THADA: variants seen among roughly 807,000 people sequenced by gnomAD.
The protein encoded by THADA is THADA armadillo repeat containing, also known as tRNA (32-2'-O)-methyltransferase regulator THADA.
THADA carries 213 observed loss-of-function variants against 219.8 expected under a neutral mutation model. The ratio of observed to expected loss-of-function variants is 0.97; its 90% CI spans 0.87 to 1.09. THADA has a LOEUF of 1.09. Ranked by LOEUF, THADA falls within the 50% of genes least tolerant of loss-of-function variation. The probability of loss-of-function intolerance (pLI) is 0.00; values close to 1 mark genes in which losing one functional copy is unlikely to be tolerated. For synonymous variants in THADA, 1,018 were observed against 828.9 expected (o/e 1.23, Z -3.92); for missense variants, 2,956 against 2,311.3 (o/e 1.28, Z -5.72).
intron 22 of THADA, among the ~76,000 whole-genome samples, chr2:43,518,850 C>T (rs918146762): frequency 1.2e-4 from 18 of 152,226 alleles, no homozygotes; most frequent in Admixed American, 2.6e-4. Flanking sequence ...TCCCAGAATG[C>T]TGGACATTTA....
intron 28 of THADA, among the ~76,000 whole-genome samples, chr2:43,413,007 G>C (rs1027365905): frequency 5.9e-5 from 9 of 152,072 alleles, no homozygotes; most frequent in African/African-American, 2.2e-4. Context: ...AATACACACA[G>C]GGAAAAAAGA....
intron 28 of THADA, among the ~76,000 whole-genome samples, chr2:43,404,001 A>G (rs1329516166): frequency 5.3e-5 from 8 of 152,206 alleles, no homozygotes; most frequent in Admixed American, 5.2e-4. Flanking sequence ...GGTGACACAC[A>G]GCAGGCTGAA....
At chr2:43,559,374 T>A (rs187522544) in intron 16 of THADA, among the ~76,000 whole-genome samples, 1 of 152,102 alleles carries the variant, frequency 6.6e-6, no homozygotes, top group African/African-American at 2.4e-5. Context: ...ACAGACACTA[T>A]CCTCTCTGGC....
chr2:43,388,250 T>C (rs1672934813), intron 29 of THADA, among the ~76,000 whole-genome samples: 1 of 152,166 alleles, frequency 6.6e-6, no homozygotes, highest in Non-Finnish European at 1.5e-5. Flanking sequence ...CATCAGATAT[T>C]TTACAGGGAT....
chr2:43,577,305 A>G, intron 9 of THADA, 63 bp from the exon 10 acceptor site: 1 of 1,313,718 alleles, frequency 7.6e-7, no homozygotes, highest in Non-Finnish European at 1.1e-6. Flanking sequence ...GATATTTCAA[A>G]ATACAAACCC....
chr2:43,570,544 C>T, intron 13 of THADA, 34 bp from the exon 14 acceptor site: 1 of 1,580,980 alleles, frequency 6.3e-7, no homozygotes, highest in Non-Finnish European at 8.6e-7. Context: ...CACAGGTGAG[C>T]CACACATTAA....
intron 36 of THADA, among the ~76,000 whole-genome samples, chr2:43,278,519 T>G (rs1672982290): frequency 6.6e-6 from 1 of 152,176 alleles, no homozygotes; most frequent in African/African-American, 2.4e-5. Flanking sequence ...ATGGCAGAAT[T>G]TTAGCTATTG....
chr2:43,552,916 C>T lies in THADA; in HGVS notation c.2675-577G>A, dbSNP rs191213006. On this transcript the variant is annotated intron_variant, in intron 17 of 37. Transcript: ENST00000405975. ...ATATTGTATGATTCCATTTATGATA[C>T]GTCCAGAGTAGGCAAATCTATAGAC... Among the ~76,000 whole-genome samples the T allele has an allele frequency of 3.9e-5, 6 of 152,128 alleles. No homozygotes were observed. The East Asian group carries it at 5.8e-4, about 15-fold the overall frequency.
At chr2:43,544,836 C>A (rs543709000) in intron 20 of THADA, among the ~76,000 whole-genome samples, 147 of 151,064 alleles carry the variant, frequency 9.7e-4, no homozygotes, top group Non-Finnish European at 1.3e-4. Context: ...GACAATTTGA[C>A]TTCCTCTTTT....
intron 28 of THADA, among the ~76,000 whole-genome samples, chr2:43,400,457 T>TTATATATATATGTATATATATATATA (rs1674669612): frequency 1.1e-5 from 1 of 89,904 alleles, no homozygotes; most frequent in Non-Finnish European, 2.7e-5. Flanking sequence ...ATAGACAAAT[T>TTATATATATATGTATATATATATATA]TATATATATA....
chr2:43,231,413 A>G (rs768269089), intron 37 of THADA, 70 bp from the exon 38 acceptor site: 80 of 1,431,326 alleles, frequency 5.6e-5, no homozygotes, highest in Non-Finnish European at 7.1e-5. Flanking sequence ...CAGACCAAGC[A>G]GTACCCTGCC....
chr2:43,489,856 T>A (rs920834088), intron 25 of THADA, among the ~76,000 whole-genome samples: 22 of 113,514 alleles, frequency 1.9e-4, no homozygotes, highest in Non-Finnish European at 2.8e-4. Flanking sequence ...CACATTTCCA[T>A]ATGTATTTTA....
rs181621485 is a variant in THADA, at chr2:43,570,485, G to A, written c.2090C>T (p.Ser697Phe). 26 of 1,611,982 alleles carry A rather than the reference G, an allele frequency of 1.6e-5. No homozygotes were observed. In the East Asian group the frequency reaches 5.8e-4, roughly 36 times the overall value. Reference sequence around the variant, plus strand: ...CTGCTCCAATTTATAAAGTACCTGAGAACTTTCCTGTATCCTACAAAACAA... The same window carrying A: ...CTGCTCCAATTTATAAAGTACCTGAAAACTTTCCTGTATCCTACAAAACAA... ...KKLFCRIQES[S>F]QVLYKLEQSK... Residue 697 changes from serine (S) to phenylalanine (F), a missense_variant, in exon 14 of 38, where the codon TCT (serine) becomes TTT (phenylalanine). By Grantham distance (155) the Ser-to-Phe change is radical (BLOSUM62 -2). Coordinates refer to ENST00000405975, the MANE Select transcript of THADA (RefSeq NM_022065.5).
chr2:43,465,088 C>G (rs1462546904), intron 26 of THADA, among the ~76,000 whole-genome samples: 1 of 151,962 alleles, frequency 6.6e-6, no homozygotes, highest in African/African-American at 2.4e-5. Flanking sequence ...TGAGGAAAAC[C>G]TTGATTTGGC....
At chr2:43,369,522 T>A (rs1190073712) in intron 29 of THADA, among the ~76,000 whole-genome samples, 1 of 152,200 alleles carries the variant, frequency 6.6e-6, no homozygotes, top group Non-Finnish European at 1.5e-5. Context: ...ATTAACTAGG[T>A]TTTGTACATT....
At chr2:43,563,079 A>C (rs1235366555) in intron 15 of THADA, 1 of 152,014 alleles carries the variant, frequency 6.6e-6, no homozygotes, top group African/African-American at 2.4e-5. Context: ...TCTCTGTTCT[A>C]ATCTTTTTGT....
chr2:43,453,662 G>A (rs553808330), intron 26 of THADA, among the ~76,000 whole-genome samples: 18 of 152,246 alleles, frequency 1.2e-4, no homozygotes, highest in African/African-American at 3.9e-4. Flanking sequence ...TCTGAAGTTA[G>A]TAGACTGCCA....
At chr2:43,595,028 T>C (rs1701992003) in intron 1 of THADA, among the ~76,000 whole-genome samples, 1 of 152,236 alleles carries the variant, frequency 6.6e-6, no homozygotes, top group African/African-American at 2.4e-5. Context: ...TTAATCTATT[T>C]TGTTCATGTT....
chr2:43,530,561 T>C (rs1693734697), intron 21 of THADA, among the ~76,000 whole-genome samples: 1 of 152,158 alleles, frequency 6.6e-6, no homozygotes, highest in African/African-American at 2.4e-5. Flanking sequence ...AGACAGAAAA[T>C]AAAAACAGAA....
Sources: gnomAD v4.1 joint callset for allele counts (sites outside exome capture counted in the v4.1 genomes callset) on GRCh38, gnomAD v4.1.1 for gene constraint, MANE v1.5 for transcripts, NCBI Gene and HGNC (gene_info 2026-07-23, HGNC 2026-07-21) for gene names.